Variants in E2F3 observed in about 807,000 individuals in gnomAD.
The protein encoded by E2F3 is E2F transcription factor 3, also known as transcription factor E2F3.
In E2F3, 11 loss-of-function variants were observed where a neutral mutation model predicts 44.4. That is an observed-to-expected ratio of 0.25 (90% CI 0.16 to 0.41). E2F3 has a LOEUF of 0.41. E2F3 is among the 10% of genes least tolerant of loss of function. The pLI, the probability that E2F3 is intolerant of heterozygous loss-of-function variation, is 1.00. For missense variants in E2F3, 487 were observed against 583.6 expected (o/e 0.83, Z 1.70); for synonymous variants, 249 against 253.0 (o/e 0.98, Z 0.15).
intron 1 of E2F3, chr6:20,403,531 G>A (rs1461570446): frequency 5.0e-6 from 2 of 402,418 alleles, no homozygotes; most frequent in Non-Finnish European, 9.0e-6. Context: ...GTGACGTTTC[G>A]CACACGTGCG....
At chr6:20,436,873 G>A (rs1397516812) in intron 1 of E2F3, among the ~76,000 whole-genome samples, 1 of 152,150 alleles carries the variant, frequency 6.6e-6, no homozygotes, top group African/African-American at 2.4e-5. Flanking sequence ...TAATCCCAGT[G>A]CTGTGGGAGG....
In E2F3 at chr6:20,465,910, G is replaced by A. The variant is rs192088069; in HGVS notation, c.394-13936G>A. Among the ~76,000 whole-genome samples the A allele has an allele frequency of 3.4e-4, 52 of 152,262 alleles. No homozygotes were observed. The East Asian group carries it at 9.3e-3, about 27-fold the overall frequency. ...GTGAATCGTGCTGCTATAAACATGC[G>A]TGTGCAAATATTTTTTTTGAATAAT... On this transcript the variant is annotated intron_variant, in intron 1 of 6. Coordinates refer to ENST00000346618, the MANE Select transcript of E2F3 (RefSeq NM_001949.5).
intron 1 of E2F3, among the ~76,000 whole-genome samples, chr6:20,404,446 CAGTT>C (rs1254189469): frequency 2.0e-5 from 3 of 152,336 alleles, no homozygotes; most frequent in African/African-American, 4.8e-5. Flanking sequence ...GAACCAGACT[CAGTT>C]AGATCCATGG....
intron 1 of E2F3, among the ~76,000 whole-genome samples, chr6:20,416,647 T>G (rs956534019): frequency 9.2e-5 from 14 of 152,252 alleles, no homozygotes; most frequent in African/African-American, 3.4e-4. Context: ...GCAGCACTGG[T>G]GTATGGCTTA....
chr6:20,442,927 G>A (rs1407632023), intron 1 of E2F3, among the ~76,000 whole-genome samples: 4 of 150,982 alleles, frequency 2.6e-5, no homozygotes, highest in Admixed American at 6.6e-5. Flanking sequence ...CCAAGATTGC[G>A]CCATTGCACT....
In E2F3 at chr6:20,491,314, C is replaced by T. The variant is rs892101153; in HGVS notation, c.*884C>T. The T allele has an allele frequency of 3.6e-4, 83 of 229,176 alleles. No homozygotes were observed. The highest frequency in any genetic ancestry group is 1.5e-3 in the African/African-American group (66 of 45,170). 14.2% of individuals were successfully genotyped at this position (229,176 alleles called of 1,614,324 possible). On this transcript the variant is annotated 3_prime_UTR_variant, in exon 7 of 7. Coordinates refer to ENST00000346618, the MANE Select transcript of E2F3 (RefSeq NM_001949.5). ...TTCAATTTAATTGTTTACTTTGAAG[C>T]GGTTTTTGCAAATTCATATTACTTA...
intron 1 of E2F3, among the ~76,000 whole-genome samples, chr6:20,443,708 C>T (rs1441186612): frequency 2.0e-5 from 3 of 152,132 alleles, no homozygotes; most frequent in Non-Finnish European, 4.4e-5. Flanking sequence ...CTGGTATTCC[C>T]ATTCTGCCCC....
intron 1 of E2F3, among the ~76,000 whole-genome samples, chr6:20,475,959 A>G (rs1309523253): frequency 2.0e-5 from 3 of 152,200 alleles, no homozygotes; most frequent in African/African-American, 4.8e-5. Flanking sequence ...GAAGTGACCA[A>G]CACACTCTGC....
chr6:20,459,222 ACAT>A (rs1429249074), intron 1 of E2F3, among the ~76,000 whole-genome samples: 3 of 152,232 alleles, frequency 2.0e-5, no homozygotes, highest in Non-Finnish European at 4.4e-5. Flanking sequence ...CAGTGAGCCA[ACAT>A]CGTGCCACTG....
intron 1 of E2F3, among the ~76,000 whole-genome samples, chr6:20,431,076 C>T (rs900180686): frequency 2.0e-5 from 3 of 151,996 alleles, no homozygotes; most frequent in African/African-American, 7.3e-5. Flanking sequence ...GCAAAAAGGC[C>T]CAACCAAAAT....
chr6:20,480,117 C>A, intron 2 of E2F3, 160 bp downstream of exon 2: 1 of 959,034 alleles, frequency 1.0e-6, no homozygotes, highest in Non-Finnish European at 1.2e-6. Flanking sequence ...ACAATGTCAG[C>A]AGACAACCAG....
intron 1 of E2F3, among the ~76,000 whole-genome samples, chr6:20,404,404 T>C (rs1561844327): frequency 6.6e-6 from 1 of 152,230 alleles, no homozygotes; most frequent in Non-Finnish European, 1.5e-5. Context: ...TTCACCCTCG[T>C]GGTGAGGCTT....
chr6:20,472,466 C>G (rs1470316961), intron 1 of E2F3, among the ~76,000 whole-genome samples: 1 of 151,750 alleles, frequency 6.6e-6, no homozygotes, highest in Non-Finnish European at 1.5e-5. Context: ...GTAGGAGGGT[C>G]ATTTGAGCAT....
At chr6:20,461,684 G>GT (rs1204749444) in intron 1 of E2F3, among the ~76,000 whole-genome samples, 3 of 151,954 alleles carry the variant, frequency 2.0e-5, no homozygotes. Flanking sequence ...TTTTTTGTTT[G>GT]TTTTTTACTC....
chr6:20,446,280 A>T (rs1333052725), intron 1 of E2F3, among the ~76,000 whole-genome samples: 4 of 152,120 alleles, frequency 2.6e-5, no homozygotes, highest in Non-Finnish European at 5.9e-5. Flanking sequence ...TTCTCATCTG[A>T]CTTAAAAGTC....
At chr6:20,432,193 C>G (rs1487382367) in intron 1 of E2F3, among the ~76,000 whole-genome samples, 1 of 152,256 alleles carries the variant, frequency 6.6e-6, no homozygotes, top group Non-Finnish European at 1.5e-5. Flanking sequence ...AGAATACAAG[C>G]TACCCCAACA....
At chr6:20,482,999 A>G (rs4134942) in intron 4 of E2F3, 79 bp downstream of exon 4, 52,254 of 1,593,390 alleles carry the variant, frequency 0.033, 1,001 homozygotes, top group Non-Finnish European at 0.04. Flanking sequence ...ACTTATGCAC[A>G]AGGTAGATTA....
At chr6:20,445,512 T>C (rs1388795660) in intron 1 of E2F3, among the ~76,000 whole-genome samples, 1 of 152,114 alleles carries the variant, frequency 6.6e-6, no homozygotes, top group Non-Finnish European at 1.5e-5. Flanking sequence ...TTCTAAGACA[T>C]GCGTTTTTTC....
chr6:20,466,916 G>A (rs1278976331), intron 1 of E2F3, among the ~76,000 whole-genome samples: 2 of 152,030 alleles, frequency 1.3e-5, no homozygotes, highest in African/African-American at 2.4e-5. Context: ...TCCTGACCTC[G>A]TGACCCACCT....
Sources: gnomAD v4.1 joint callset for allele counts (sites outside exome capture counted in the v4.1 genomes callset) on GRCh38, gnomAD v4.1.1 for gene constraint, MANE v1.5 for transcripts, NCBI Gene and HGNC (gene_info 2026-07-23, HGNC 2026-07-21) for gene names.